The following SDC4 variants were observed in gnomAD, a reference collection of about 807,000 sequenced individuals.
SDC4 encodes syndecan 4.
SDC4 carries 17 observed loss-of-function variants against 20.5 expected under a neutral mutation model. The ratio of observed to expected loss-of-function variants is 0.83; its 90% CI spans 0.57 to 1.25. The LOEUF is 1.25. SDC4 is among the 50% of genes most tolerant of loss of function. The pLI is 0.00. For synonymous variants in SDC4, 107 were observed against 105.3 expected, an observed-to-expected ratio of 1.02 and a Z score of -0.10; for missense variants, 241 against 252.3, an observed-to-expected ratio of 0.96 and a Z score of 0.30.
chr20:45,347,063 A>T (rs1397634654), intron 1 of SDC4, among the ~76,000 whole-genome samples: 1 of 152,142 alleles, frequency 6.6e-6, no homozygotes, highest in East Asian at 1.9e-4. Context: ...GGATATACCC[A>T]TTAGAAAGTT....
intron 1 of SDC4, among the ~76,000 whole-genome samples, chr20:45,342,200 C>CTTA (rs1345134081): frequency 1.3e-5 from 2 of 152,200 alleles, no homozygotes; most frequent in African/African-American, 4.8e-5. Flanking sequence ...ACGCTGCAGC[C>CTTA]TTATCTCAGC....
At chr20:45,330,816 T>G (rs1987766331) in intron 3 of SDC4, among the ~76,000 whole-genome samples, 1 of 152,200 alleles carries the variant, frequency 6.6e-6, no homozygotes, top group Non-Finnish European at 1.5e-5. Flanking sequence ...GGTGCTCTCC[T>G]GCACTGCTGG....
intron 2 of SDC4, among the ~76,000 whole-genome samples, chr20:45,333,954 AAG>A (rs1363129844): frequency 0.017 from 717 of 42,448 alleles, 9 homozygotes; most frequent in African/African-American, 0.039. Context: ...TTAAAAAAAA[AAG>A]AAGAAGAAAT....
chr20:45,333,048 A>G lies in SDC4; in HGVS notation c.221T>C (p.Ile74Thr). 1 of 1,614,238 alleles carries G rather than the reference A, an allele frequency of 6.2e-7. No homozygotes were observed. Among genetic ancestry groups the G allele is most frequent in the South Asian group, 1.1e-5 (1 of 91,088 alleles). The change falls in exon 3 of 5, where the codon ATC (isoleucine) becomes ACC (threonine). Residue 74 changes from isoleucine (I) to threonine (T), a missense_variant. By Grantham distance (89) the Ile-to-Thr change is moderately conservative. Coordinates refer to ENST00000372733, the MANE Select transcript of SDC4 (RefSeq NM_002999.4). ...CAAGGGATGGACAACTTCAGGGCCG[A>G]TCATGGAGTCTTCCAAGTCATCTGT... ...GDLDDLEDSM[I>T]GPEVVHPLVP...
intron 1 of SDC4, among the ~76,000 whole-genome samples, chr20:45,336,373 G>A (rs771252869): frequency 1.3e-5 from 2 of 152,172 alleles, no homozygotes; most frequent in African/African-American, 4.8e-5. Flanking sequence ...GGATCACGCC[G>A]TTGCACTCTA....
chr20:45,341,445 T>A (rs1987951132), intron 1 of SDC4, among the ~76,000 whole-genome samples: 1 of 152,130 alleles, frequency 6.6e-6, no homozygotes, highest in Non-Finnish European at 1.5e-5. Context: ...TGACCACCTG[T>A]CCTAAGCAGA....
intron 1 of SDC4, among the ~76,000 whole-genome samples, chr20:45,347,367 A>G (rs1265581353): frequency 1.3e-5 from 2 of 152,184 alleles, no homozygotes; most frequent in African/African-American, 2.4e-5. Flanking sequence ...CTTCACCAGT[A>G]ATTCCCATGC....
In SDC4 at chr20:45,330,367, T is replaced by C; in HGVS notation, c.444A>G (p.Ala148=). 3 of 1,613,866 alleles carry C rather than the reference T, an allele frequency of 1.9e-6. No individual in the cohort carries two copies. Among genetic ancestry groups the C allele is most frequent in the South Asian group, 1.1e-5 (1 of 91,082 alleles). Reference sequence around the variant, plus strand: ...CTTATAAGCAGCATGGGGACTTACCTGCCAGGACCTCCGTTCTCTCAAAGA... The same window carrying C: ...CTTATAAGCAGCATGGGGACTTACCCGCCAGGACCTCCGTTCTCTCAAAGA... The part of the protein sequence containing the change: ...SNIFERTEVL[A]ALIVGGIVGI... Residue 148 remains alanine (A), a splice_region_variant and synonymous_variant, in exon 4 of 5, where the codon GCA becomes GCG. Transcript: ENST00000372733.
At chr20:45,330,240 CTGAATAGGCA>C (rs1260650299) in intron 4 of SDC4, 116 bp downstream of exon 4, 1 of 837,826 alleles carries the variant, frequency 1.2e-6, no homozygotes, top group East Asian at 2.5e-5. Context: ...CTAGGGCAAC[CTGAATAGGCA>C]AAAGGAAGGG....
chr20:45,333,459 A>C (rs1600729952), intron 2 of SDC4, among the ~76,000 whole-genome samples: 1 of 152,364 alleles, frequency 6.6e-6, no homozygotes. Context: ...ACTTGAGGTC[A>C]GGAGATCGAG....
intron 1 of SDC4, among the ~76,000 whole-genome samples, chr20:45,342,902 C>T (rs2251258): frequency 0.47 from 72,001 of 152,036 alleles, 17,394 homozygotes; most frequent in East Asian, 0.72. Flanking sequence ...TAAGAACCCT[C>T]GTCTAGGTGC....
chr20:45,329,679 G>T (rs2145707501), intron 4 of SDC4, among the ~76,000 whole-genome samples: 1 of 152,328 alleles, frequency 6.6e-6, no homozygotes, highest in Middle Eastern at 3.4e-3. Flanking sequence ...GTGCCCACTT[G>T]CCAGGCCGGT....
chr20:45,338,983 CAG>C (rs1348608207), intron 1 of SDC4, among the ~76,000 whole-genome samples: 1 of 152,132 alleles, frequency 6.6e-6, no homozygotes, highest in African/African-American at 2.4e-5. Context: ...TAGGAGGACA[CAG>C]GGAATTAAAT....
In SDC4 at chr20:45,335,438, C is replaced by G. The variant is rs111385646; in HGVS notation, c.199+344G>C. Among the ~76,000 whole-genome samples, 459 of 151,942 alleles carry G rather than the reference C, an allele frequency of 3.0e-3. 3 individuals are homozygous for G. The highest frequency in any genetic ancestry group is 0.01 in the Middle Eastern group (3 of 294). Reference sequence around the variant, plus strand: ...AAAGGAAAACACTCTATGGGTCCTCCTTCCCCACTCCCACCCTGTCCTGCC... The same window carrying G: ...AAAGGAAAACACTCTATGGGTCCTCGTTCCCCACTCCCACCCTGTCCTGCC... On this transcript the variant is annotated intron_variant, in intron 2 of 4. Coordinates refer to ENST00000372733, the MANE Select transcript of SDC4 (RefSeq NM_002999.4).
intron 2 of SDC4, among the ~76,000 whole-genome samples, chr20:45,335,105 TG>T (rs1181438884): frequency 6.7e-6 from 1 of 149,082 alleles, no homozygotes; most frequent in Admixed American, 6.7e-5. Context: ...AGCAGGGACT[TG>T]TTCTTGGTTT....
In SDC4 at chr20:45,325,671, G is replaced by A. The variant is rs1987674458; in HGVS notation, c.*1593C>T. On this transcript the variant is annotated 3_prime_UTR_variant, in exon 5 of 5. Coordinates refer to ENST00000372733, the MANE Select transcript of SDC4 (RefSeq NM_002999.4). ...AGACAAGGGTCGTCCCAGCACAGCTGAGGCTGTGACTCGTTAAGCCAGTTT... is the reference window on the plus strand; with the variant it reads ...AGACAAGGGTCGTCCCAGCACAGCTAAGGCTGTGACTCGTTAAGCCAGTTT... 1 of 150,508 alleles carries A rather than the reference G, an allele frequency of 6.6e-6. No homozygotes were observed. Among genetic ancestry groups the A allele is most frequent in the South Asian group, 2.1e-4 (1 of 4,780 alleles). 9.3% of individuals were successfully genotyped at this position (150,508 alleles called of 1,614,324 possible).
At chr20:45,336,756 T>G (rs1450135126) in intron 1 of SDC4, among the ~76,000 whole-genome samples, 1 of 152,022 alleles carries the variant, frequency 6.6e-6, no homozygotes, top group Non-Finnish European at 1.5e-5. Flanking sequence ...AGGATACTTT[T>G]CCCAGCTGAG....
intron 3 of SDC4, 27 bp from the exon 4 acceptor site, chr20:45,330,591 A>G: frequency 6.2e-7 from 1 of 1,603,860 alleles, no homozygotes; most frequent in Non-Finnish European, 8.5e-7. Context: ...GAGAAGAGAC[A>G]CTCAGCGTAT....
At chr20:45,344,427 G>A (rs1327066403) in intron 1 of SDC4, among the ~76,000 whole-genome samples, 3 of 152,164 alleles carry the variant, frequency 2.0e-5, no homozygotes, top group East Asian at 1.9e-4. Context: ...GGCAGGCTAC[G>A]CTAGCATGCA....
Sources: gnomAD v4.1 joint callset for allele counts (sites outside exome capture counted in the v4.1 genomes callset) on GRCh38, gnomAD v4.1.1 for gene constraint, MANE v1.5 for transcripts, NCBI Gene and HGNC (gene_info 2026-07-23, HGNC 2026-07-21) for gene names.